The following ACOXL variants were observed in gnomAD, a reference collection of about 807,000 sequenced individuals.
ACOXL encodes acyl-CoA oxidase like, also known as acyl-coenzyme A oxidase-like protein.
In ACOXL, 70 loss-of-function variants were observed where a neutral mutation model predicts 71.9. The observed-to-expected ratio is 0.97, with a 90% confidence interval of 0.80 to 1.19. ACOXL has a LOEUF of 1.19. ACOXL is among the 50% of genes most tolerant of loss of function. The pLI is 0.00. For synonymous variants in ACOXL, 253 were observed against 281.6 expected (o/e 0.90, Z 1.02); for missense variants, 703 against 736.3 (o/e 0.95, Z 0.52).
intron 17 of ACOXL, among the ~76,000 whole-genome samples, chr2:111,116,569 C>T (rs1242460210): frequency 6.6e-6 from 1 of 152,136 alleles, no homozygotes; most frequent in Admixed American, 6.5e-5. Flanking sequence ...ATCAGTGCGG[C>T]TCAGACATGA....
intron 16 of ACOXL, among the ~76,000 whole-genome samples, chr2:111,087,846 C>T (rs2150002734): frequency 6.6e-6 from 1 of 152,268 alleles, no homozygotes; most frequent in Admixed American, 6.5e-5. Context: ...AAACTATCAA[C>T]AGGGTGAACA....
chr2:111,077,674 C>G (rs753174348), intron 16 of ACOXL, among the ~76,000 whole-genome samples: 7 of 152,172 alleles, frequency 4.6e-5, no homozygotes, highest in Non-Finnish European at 1.0e-4. Context: ...ATCCTAATTT[C>G]TGAACGATCA....
intron 16 of ACOXL, among the ~76,000 whole-genome samples, chr2:111,076,851 C>A (rs2067626259): frequency 6.6e-6 from 1 of 152,196 alleles, no homozygotes; most frequent in Admixed American, 6.5e-5. Flanking sequence ...TTCCTTGCTT[C>A]TTTCAGGCTC....
intron 12 of ACOXL, among the ~76,000 whole-genome samples, chr2:110,966,355 C>T (rs1473454424): frequency 6.6e-6 from 1 of 152,186 alleles, no homozygotes; most frequent in Non-Finnish European, 1.5e-5. Context: ...AGCAGGGGTC[C>T]AGCAGGGAGC....
At chr2:111,088,570 G>A (rs1414178279) in intron 16 of ACOXL, among the ~76,000 whole-genome samples, 1 of 152,150 alleles carries the variant, frequency 6.6e-6, no homozygotes, top group Non-Finnish European at 1.5e-5. Flanking sequence ...TTTTAAGTGG[G>A]AGCTAAATAA....
intron 16 of ACOXL, among the ~76,000 whole-genome samples, chr2:111,071,966 A>G (rs2067362798): frequency 6.6e-6 from 1 of 152,198 alleles, no homozygotes; most frequent in Admixed American, 6.5e-5. Context: ...TAATAATTAT[A>G]CCAACAGGCA....
At position 110,804,973 on chromosome 2, in the gene ACOXL, T is replaced by A. The variant is rs116111037; in HGVS notation, c.621-290T>A. ...AATTGTACATGAATTTTATGGCATG[T>A]GAATTACATCTCAGTTTTTAAAAAG... On this transcript the variant is annotated intron_variant, in intron 8 of 17. Transcript: ENST00000439055. 2.0e-3 allele frequency among the ~76,000 whole-genome samples: 309 copies of A among 152,354 alleles called. 2 individuals are homozygous for A. The highest frequency in any genetic ancestry group is 7.2e-3 in the African/African-American group (301 of 41,582).
chr2:110,866,742 C>T lies in ACOXL; in HGVS notation c.788+25337C>T, dbSNP rs115998782. ...CTGTCTCTGTATTCACTTGCTCACCCGTTCACGAAATCACTCACCAGCTCA... is the reference window on the plus strand; with the variant it reads ...CTGTCTCTGTATTCACTTGCTCACCTGTTCACGAAATCACTCACCAGCTCA... On this transcript the variant is annotated intron_variant, in intron 10 of 17. Coordinates refer to ENST00000439055, the MANE Select transcript of ACOXL (RefSeq NM_001142807.4). 3.8e-3 allele frequency among the ~76,000 whole-genome samples: 578 copies of T among 152,268 alleles called. 10 individuals are homozygous for T. Among genetic ancestry groups the T allele is most frequent in the African/African-American group, 0.013 (548 of 41,546 alleles).
chr2:110,870,364 A>C (rs558248633), intron 10 of ACOXL, among the ~76,000 whole-genome samples: 11 of 152,098 alleles, frequency 7.2e-5, no homozygotes, highest in Admixed American at 4.6e-4. Flanking sequence ...TAAAGAAGTA[A>C]AATCTTCTAA....
intron 17 of ACOXL, among the ~76,000 whole-genome samples, chr2:111,106,303 A>G (rs951212858): frequency 2.0e-4 from 31 of 152,134 alleles, no homozygotes; most frequent in Admixed American, 6.5e-5. Flanking sequence ...TGCTGTCAAA[A>G]CCATCCACTG....
At chr2:110,968,267 A>C in intron 12 of ACOXL, 1 of 1,168,154 alleles carries the variant, frequency 8.6e-7, no homozygotes, top group Non-Finnish European at 1.3e-6. Context: ...TTTACCTGCT[A>C]TTTGGATGCA....
chr2:110,864,603 G>A lies in ACOXL; in HGVS notation c.788+23198G>A, dbSNP rs543017633. On this transcript the variant is annotated intron_variant, in intron 10 of 17. Transcript: ENST00000439055. ...CTTACCTCTTATATTCTTGCATGGC[G>A]ATAGCCTTTCCAAGGAGACCAAATG... Among the ~76,000 whole-genome samples the A allele has an allele frequency of 9.2e-5, 14 of 152,298 alleles. No individual in the cohort carries two copies. In the South Asian group the frequency reaches 2.5e-3, roughly 27 times the overall value.
At chr2:110,760,069 T>C (rs1400587747) in intron 1 of ACOXL, among the ~76,000 whole-genome samples, 1 of 152,080 alleles carries the variant, frequency 6.6e-6, no homozygotes, top group African/African-American at 2.4e-5. Flanking sequence ...TTATTTTTTG[T>C]AGTAGTTGTT....
chr2:111,098,637 A>G (rs1319544957), intron 17 of ACOXL: 1 of 152,226 alleles, frequency 6.6e-6, no homozygotes, highest in Non-Finnish European at 1.5e-5. Context: ...TTAGTAATGC[A>G]TTAATATTGG....
At chr2:111,019,212 C>T (rs1245277622) in intron 14 of ACOXL, among the ~76,000 whole-genome samples, 1 of 152,134 alleles carries the variant, frequency 6.6e-6, no homozygotes, top group Admixed American at 6.5e-5. Context: ...TATTTAAGGC[C>T]TCCTGATTTT....
At chr2:110,776,568 GC>G (rs140118918) in intron 2 of ACOXL, among the ~76,000 whole-genome samples, 1,852 of 152,192 alleles carry the variant, frequency 0.012, 41 homozygotes, top group African/African-American at 0.043. Context: ...TCGGTGAACA[GC>G]ATCCAGGCAG....
At chr2:111,026,223 ATGGTTT>A (rs1236010271) in intron 14 of ACOXL, among the ~76,000 whole-genome samples, 1 of 152,096 alleles carries the variant, frequency 6.6e-6, no homozygotes, top group Non-Finnish European at 1.5e-5. Flanking sequence ...TTTTCTCAAA[ATGGTTT>A]TGACTTTTCT....
chr2:111,111,028 G>A (rs2069910128), intron 17 of ACOXL, among the ~76,000 whole-genome samples: 1 of 131,442 alleles, frequency 7.6e-6, no homozygotes, highest in Middle Eastern at 3.7e-3. Context: ...TCCTTCTTGA[G>A]TATGTTTGCA....
At chr2:110,967,754 A>T in intron 12 of ACOXL, 1 of 573,660 alleles carries the variant, frequency 1.7e-6, no homozygotes. Context: ...ATCAGAAAGG[A>T]TATGAAAGAA....
Sources: allele counts gnomAD v4.1 joint callset (sites outside exome capture counted in the v4.1 genomes callset), GRCh38; gene constraint gnomAD v4.1.1; transcripts MANE v1.5; gene names NCBI Gene and HGNC (gene_info 2026-07-23, HGNC 2026-07-21).